The following PSMA6 variants were observed in gnomAD, a reference collection of about 807,000 sequenced individuals.
PSMA6 encodes proteasome subunit alpha type-6.
For missense variants in PSMA6, 170 were observed against 294.8 expected, an observed-to-expected ratio of 0.58 and a Z score of 3.10; for synonymous variants, 88 against 97.7, an observed-to-expected ratio of 0.90 and a Z score of 0.59.
rs149877005 is a variant in PSMA6 at position 35,305,758 on chromosome 14, T to C, written c.77-2236T>C. ...AAGTTATCTTCTGTGTTTTCATATT[T>C]TCTACCATGAGCATGTATTGATTTT... On this transcript the variant is annotated intron_variant, in intron 1 of 6. Transcript: ENST00000261479. Among the ~76,000 whole-genome samples the C allele has an allele frequency of 2.8e-3, 422 of 152,358 alleles. 3 individuals carry two copies. The highest frequency in any genetic ancestry group is 9.9e-3 in the African/African-American group (413 of 41,592).
At chr14:35,310,281 C>T (rs1566561718) in intron 3 of PSMA6, 2 of 422,512 alleles carry the variant, frequency 4.7e-6, no homozygotes, top group Non-Finnish European at 4.6e-6. Context: ...CTCAACCTCC[C>T]AGGTAGCTGG....
upstream of PSMA6, among the ~76,000 whole-genome samples, chr14:35,289,936 AG>A (rs2051460221): frequency 6.7e-6 from 1 of 149,252 alleles, no homozygotes; most frequent in Non-Finnish European, 1.5e-5. Flanking sequence ...AAAAAAAAAA[AG>A]GCAGAATAGC....
intron 1 of PSMA6, among the ~76,000 whole-genome samples, chr14:35,298,405 G>C (rs2051640882): frequency 6.6e-6 from 1 of 151,986 alleles, no homozygotes; most frequent in Non-Finnish European, 1.5e-5. Context: ...CAGGAGAATT[G>C]CTTGAGCCCG....
At chr14:35,313,202 T>A in intron 5 of PSMA6, 143 bp downstream of exon 5, 2 of 749,518 alleles carry the variant, frequency 2.7e-6, no homozygotes, top group African/African-American at 1.9e-5. Flanking sequence ...ATCATACAGC[T>A]GACATAGGAA....
upstream of PSMA6, among the ~76,000 whole-genome samples, chr14:35,291,823 CAAAAAAAAAAAAA>C (rs113987343): frequency 2.1e-5 from 1 of 47,746 alleles, no homozygotes; most frequent in Admixed American, 1.9e-4. Context: ...AACTCTGTCT[CAAAAAAAAAAAAA>C]AAAAAAAAAA....
At chr14:35,299,327 C>CTTTT (rs71445906) in intron 1 of PSMA6, among the ~76,000 whole-genome samples, 2 of 66,008 alleles carry the variant, frequency 3.0e-5, no homozygotes, top group African/African-American at 5.8e-5. Context: ...TGCCCAGCCT[C>CTTTT]TTTTTTTTTT....
At chr14:35,288,872 A>G (rs2051447908), upstream of PSMA6, among the ~76,000 whole-genome samples, 1 of 152,256 alleles carries the variant, frequency 6.6e-6, no homozygotes, top group Non-Finnish European at 1.5e-5. Flanking sequence ...TGTCCAACCC[A>G]TGACCTGCAG....
exon 1 of PSMA6, chr14:35,278,650 G>A (rs762850984): frequency 6.5e-7 from 1 of 1,534,298 alleles, no homozygotes; most frequent in South Asian, 1.2e-5. Context: ...TAGGCTGGGA[G>A]AATGGGATGG....
chr14:35,292,244 C>T (rs183972953), upstream of PSMA6: 1 of 1,285,400 alleles, frequency 7.8e-7, no homozygotes, highest in African/African-American at 1.5e-5. Context: ...CTGCTTGGCG[C>T]AGGCGCATAC....
At chr14:35,312,347 AAC>A (rs2051959642) in intron 4 of PSMA6, among the ~76,000 whole-genome samples, 1 of 151,940 alleles carries the variant, frequency 6.6e-6, no homozygotes, top group Non-Finnish European at 1.5e-5. Flanking sequence ...CTCTACTAAA[AAC>A]ACAAAAAATT....
chr14:35,308,725 C>A (rs556907207), intron 2 of PSMA6, 189 bp from the exon 3 acceptor site: 11 of 487,840 alleles, frequency 2.3e-5, no homozygotes, highest in Non-Finnish European at 3.6e-5. Flanking sequence ...GTAAATAGAG[C>A]CCCTCGAAAC....
chr14:35,297,859 A>G (rs1043609538), intron 1 of PSMA6, among the ~76,000 whole-genome samples: 3 of 152,222 alleles, frequency 2.0e-5, no homozygotes, highest in African/African-American at 7.2e-5. Context: ...TTTTTCTAGT[A>G]TACAAATGAA....
At chr14:35,298,443 T>TAGGCGCGAGCGACC (rs2051642246) in intron 1 of PSMA6, among the ~76,000 whole-genome samples, 1 of 151,182 alleles carries the variant, frequency 6.6e-6, no homozygotes, top group African/African-American at 2.4e-5. Flanking sequence ...TGAGCTGAGA[T>TAGGCGCGAGCGACC]CGCACTGCTG....
chr14:35,312,701 C>T, intron 4 of PSMA6, 180 bp from the exon 5 acceptor site: 4 of 473,776 alleles, frequency 8.4e-6, no homozygotes, highest in Non-Finnish European at 1.1e-5. Context: ...GGGAATTTAC[C>T]TGTTACCTAA....
chr14:35,289,493 T>C (rs1488145770), upstream of PSMA6, among the ~76,000 whole-genome samples: 1 of 151,962 alleles, frequency 6.6e-6, no homozygotes, highest in Non-Finnish European at 1.5e-5. Context: ...CATTACTGCA[T>C]GGCTTTTTTT....
intron 1 of PSMA6, chr14:35,293,377 G>T: frequency 5.4e-6 from 1 of 186,082 alleles, no homozygotes; most frequent in Non-Finnish European, 1.1e-5. Context: ...CAAGGTTTAG[G>T]TTATGATTAT....
chr14:35,278,562 T>A, upstream of PSMA6: 1 of 767,450 alleles, frequency 1.3e-6, no homozygotes, highest in South Asian at 1.6e-5. Flanking sequence ...GAACAGAGAA[T>A]GTCAGTATCC....
rs536585718 is a variant in PSMA6, at chr14:35,314,617, T to C, written c.683+162T>C. ...GCACCTGAGATCTGTTTTTAAAACT[T>C]TGGACTCTATTTAAGAGTCAGATAT... On this transcript the variant is annotated intron_variant, in intron 6 of 6. Coordinates refer to ENST00000261479, the MANE Select transcript of PSMA6 (RefSeq NM_002791.3). 26 of 925,028 alleles carry C rather than the reference T, an allele frequency of 2.8e-5. No homozygotes were observed. In the African/African-American group the frequency reaches 3.1e-4, roughly 11 times the overall value. 57.3% of individuals were successfully genotyped at this position (925,028 alleles called of 1,614,324 possible).
intron 1 of PSMA6, among the ~76,000 whole-genome samples, chr14:35,301,544 C>A (rs1002608897): frequency 6.6e-6 from 1 of 151,900 alleles, no homozygotes; most frequent in Non-Finnish European, 1.5e-5. Context: ...TGCTCAGTTA[C>A]ACTAGCCACA....
Sources: allele counts gnomAD v4.1 joint callset (sites outside exome capture counted in the v4.1 genomes callset), GRCh38; gene constraint gnomAD v4.1.1; transcripts MANE v1.5; gene names NCBI Gene and HGNC (gene_info 2026-07-23, HGNC 2026-07-21).